PCDHGA1: variants seen among roughly 807,000 people sequenced by gnomAD.
PCDHGA1 encodes the protein protocadherin gamma-A1.
In PCDHGA1, 32 loss-of-function variants were observed where a neutral mutation model predicts 58.0. That is an observed-to-expected ratio of 0.55 (90% CI 0.42 to 0.74). PCDHGA1 has a LOEUF of 0.74. Ranked by LOEUF, PCDHGA1 falls within the 30% of genes least tolerant of loss-of-function variation. PCDHGA1 has a pLI of 0.00. For missense variants in PCDHGA1, 1,205 were observed against 1,182.3 expected (o/e 1.02, Z -0.28); for synonymous variants, 498 against 501.1 (o/e 0.99, Z 0.08).
In PCDHGA1 at chr5:141,418,490, G is replaced by A. The variant is rs1473964718; in HGVS notation, c.2422-76317G>A. On this transcript the variant is annotated intron_variant, in intron 1 of 3. Coordinates refer to ENST00000517417, the MANE Select transcript of PCDHGA1 (RefSeq NM_018912.3). Reference sequence around the variant, plus strand: ...AGAAACGCAGAGCGCTCACCACTTGGTACTGACCGCCTTAGATGGTGGGGA... The same window carrying A: ...AGAAACGCAGAGCGCTCACCACTTGATACTGACCGCCTTAGATGGTGGGGA... 5.6e-6 allele frequency: 9 copies of A among 1,613,996 alleles called. No homozygotes were observed. In the East Asian group the frequency reaches 1.6e-4, roughly 28 times the overall value.
intron 1 of PCDHGA1, chr5:141,422,216 C>T (rs1241784107): frequency 6.4e-7 from 1 of 1,563,862 alleles, no homozygotes; most frequent in African/African-American, 1.4e-5. Flanking sequence ...GGTCTCTTTA[C>T]CACCACGACG....
In PCDHGA1 at chr5:141,489,993, C is replaced by A; in HGVS notation, c.2422-4814C>A. 6.2e-7 allele frequency: 1 copy of A among 1,614,186 alleles called. No individual in the cohort carries two copies. The highest frequency in any genetic ancestry group is 1.1e-5 in the South Asian group (1 of 91,088). On this transcript the variant is annotated intron_variant, in intron 1 of 3. Transcript: ENST00000517417. The surrounding 1 kb of genome is among the most constrained non-coding windows in gnomAD (Gnocchi z 4.5). ...AATCCTCAGTTCTACGTGTGGGAATCCCAGAGAATGCACCCATTGGTACTC... is the reference window on the plus strand; with the variant it reads ...AATCCTCAGTTCTACGTGTGGGAATACCAGAGAATGCACCCATTGGTACTC...
intron 1 of PCDHGA1, chr5:141,356,581 A>T (rs762640676): frequency 6.2e-7 from 1 of 1,614,132 alleles, no homozygotes; most frequent in East Asian, 2.2e-5. Flanking sequence ...CTCTGCTTAC[A>T]TTCCTGAAAA....
At chr5:141,420,341 G>A in intron 1 of PCDHGA1, 5 of 1,391,412 alleles carry the variant, frequency 3.6e-6, no homozygotes, top group Middle Eastern at 1.9e-4. Context: ...CAATATAGTG[G>A]TATTATTTTA....
In PCDHGA1 at chr5:141,350,375, C is replaced by G. The variant is rs372561158; in HGVS notation, c.2421+17270C>G. The stretch of plus-strand genomic sequence containing the variant: ...GATCCGATACACGATTCCAGAGGAG[C>G]TAGCCAACGGCTCACGGGTGGGGAA... On this transcript the variant is annotated intron_variant, in intron 1 of 3. Transcript: ENST00000517417. 1.1e-4 allele frequency: 168 copies of G among 1,585,544 alleles called. No individual in the cohort carries two copies. Among genetic ancestry groups the G allele is most frequent in the Non-Finnish European group, 1.4e-4 (164 of 1,164,180 alleles).
At chr5:141,382,924 G>A in intron 1 of PCDHGA1, 1 of 1,568,666 alleles carries the variant, frequency 6.4e-7, no homozygotes, top group Non-Finnish European at 8.7e-7. Flanking sequence ...GAGGGGCGGG[G>A]ACTACAGAGG....
rs763187246 is a variant in PCDHGA1 at position 141,477,168 on chromosome 5, A to G, written c.2422-17639A>G. ...GTGGATGTGAATGACAACGCCCCGGAGATCACAGTCACCTCCGTGTACAGC... is the reference window on the plus strand; with the variant it reads ...GTGGATGTGAATGACAACGCCCCGGGGATCACAGTCACCTCCGTGTACAGC... On this transcript the variant is annotated intron_variant, in intron 1 of 3. Transcript: ENST00000517417. The surrounding 1 kb of genome is among the most constrained non-coding windows in gnomAD (Gnocchi z 4.9). The G allele has an allele frequency of 6.2e-7, 1 of 1,614,210 alleles. No homozygotes were observed. Among genetic ancestry groups the G allele is most frequent in the Non-Finnish European group, 8.5e-7 (1 of 1,180,040 alleles).
intron 1 of PCDHGA1, among the ~76,000 whole-genome samples, chr5:141,387,440 A>G (rs2090946110): frequency 6.6e-6 from 1 of 152,240 alleles, no homozygotes; most frequent in African/African-American, 2.4e-5. Flanking sequence ...TATGTACTTA[A>G]TCTACATGAT....
At chr5:141,366,925 T>G in intron 1 of PCDHGA1, 1 of 999,204 alleles carries the variant, frequency 1.0e-6, no homozygotes, top group Non-Finnish European at 1.4e-6. Context: ...TCAAATTCTG[T>G]TTTGGGAAGT....
At chr5:141,507,531 C>T (rs1467914007) in intron 3 of PCDHGA1, among the ~76,000 whole-genome samples, 3 of 151,964 alleles carry the variant, frequency 2.0e-5, no homozygotes, top group African/African-American at 7.2e-5. Flanking sequence ...CCAGAGAGGC[C>T]AGAGACTGAG....
rs1427934561 is a variant in PCDHGA1, at chr5:141,511,140, CAAG to C, written c.2770_2772del (p.Lys924del). The stretch of plus-strand genomic sequence containing the variant: ...AGGCCCCAGCAGGTGGCAATGGCAA[CAAG>C]AAGAAGTCGGGCAAGAAGGAGAAGA... On this transcript the variant is annotated inframe_deletion, in exon 4 of 4. Coordinates refer to ENST00000517417, the MANE Select transcript of PCDHGA1 (RefSeq NM_018912.3). 9 of 1,614,186 alleles carry C rather than the reference CAAG, an allele frequency of 5.6e-6. No individual in the cohort carries two copies. The East Asian group carries it at 6.7e-5, about 12-fold the overall frequency.
chr5:141,509,843 C>T (rs1596253565), intron 3 of PCDHGA1, among the ~76,000 whole-genome samples: 1 of 152,178 alleles, frequency 6.6e-6, no homozygotes, highest in African/African-American at 2.4e-5. Context: ...CTCCCATTCA[C>T]TCAGAACAGG....
chr5:141,418,890 G>C (rs1449142412), intron 1 of PCDHGA1: 1 of 1,613,934 alleles, frequency 6.2e-7, no homozygotes, highest in South Asian at 1.1e-5. Context: ...AACGACAACA[G>C]CCCAGAAATA....
intron 1 of PCDHGA1, chr5:141,390,422 G>A: frequency 9.3e-7 from 1 of 1,071,928 alleles, no homozygotes; most frequent in South Asian, 1.6e-5. Flanking sequence ...CAGTTAAAAA[G>A]CTGTCATATC....
intron 1 of PCDHGA1, chr5:141,340,029 C>G: frequency 6.2e-7 from 1 of 1,614,156 alleles, no homozygotes; most frequent in Non-Finnish European, 8.5e-7. Flanking sequence ...ACATCTGCTA[C>G]TAGCTCAGTT....
intron 2 of PCDHGA1, among the ~76,000 whole-genome samples, chr5:141,503,681 A>C (rs1313633991): frequency 6.6e-6 from 1 of 152,102 alleles, no homozygotes; most frequent in Non-Finnish European, 1.5e-5. Context: ...ACTTTTGGGA[A>C]GGAGAATTGA....
intron 1 of PCDHGA1, among the ~76,000 whole-genome samples, chr5:141,460,221 C>T (rs931609262): frequency 3.4e-4 from 51 of 151,918 alleles, no homozygotes; most frequent in African/African-American, 1.2e-3. Flanking sequence ...TTAGTTGTGT[C>T]TTTTGAAGAG....
chr5:141,402,233 AT>A (rs1490030425), intron 1 of PCDHGA1, among the ~76,000 whole-genome samples: 1 of 152,070 alleles, frequency 6.6e-6, no homozygotes, highest in Non-Finnish European at 1.5e-5. Flanking sequence ...TTTTCCAGGA[AT>A]TTTATCATCA....
intron 1 of PCDHGA1, chr5:141,396,148 A>G (rs1589277067): frequency 6.6e-6 from 1 of 152,328 alleles, no homozygotes; most frequent in South Asian, 2.1e-4. Context: ...AAGCTGATCA[A>G]TTCAATTAAA....
Sources: gnomAD v4.1 joint callset for allele counts (sites outside exome capture counted in the v4.1 genomes callset) on GRCh38, gnomAD v4.1.1 for gene constraint, Gnocchi (gnomAD v3.1) non-coding constraint, MANE v1.5 for transcripts, NCBI Gene and HGNC (gene_info 2026-07-23, HGNC 2026-07-21) for gene names.